Variants in THSD7A observed in about 807,000 individuals in gnomAD.
THSD7A encodes the protein thrombospondin type-1 domain-containing protein 7A.
In THSD7A, 96 loss-of-function variants were observed where a neutral mutation model predicts 231.3. The ratio of observed to expected loss-of-function variants is 0.41; its 90% CI spans 0.35 to 0.49. The LOEUF (loss-of-function observed/expected upper bound fraction) is 0.49. Among genes scored for constraint, THSD7A ranks in the 20% least tolerant of loss-of-function variants. The pLI, the probability that THSD7A is intolerant of heterozygous loss-of-function variation, is 0.05. For synonymous variants in THSD7A, 940 were observed against 743.3 expected, an observed-to-expected ratio of 1.26 and a Z score of -4.30; for missense variants, 2,290 against 2,070.2, an observed-to-expected ratio of 1.11 and a Z score of -2.06.
At chr7:11,615,607 A>C (rs774810980) in intron 2 of THSD7A, among the ~76,000 whole-genome samples, 2 of 152,166 alleles carry the variant, frequency 1.3e-5, no homozygotes, top group African/African-American at 2.4e-5. Context: ...TCTACACTAT[A>C]TATTTGGATA....
chr7:11,733,800 C>T (rs1169658415), intron 1 of THSD7A, among the ~76,000 whole-genome samples: 1 of 151,902 alleles, frequency 6.6e-6, no homozygotes. Flanking sequence ...CATAGTAACA[C>T]TGCTCATGAT....
At chr7:11,404,522 G>C (rs1393050798) in intron 22 of THSD7A, among the ~76,000 whole-genome samples, 1 of 152,216 alleles carries the variant, frequency 6.6e-6, no homozygotes, top group Non-Finnish European at 1.5e-5. Flanking sequence ...AAGGTCCAAA[G>C]GTTCAGTCCT....
intron 1 of THSD7A, among the ~76,000 whole-genome samples, chr7:11,731,237 T>C (rs1372026286): frequency 1.3e-5 from 2 of 151,594 alleles, no homozygotes; most frequent in Admixed American, 6.6e-5. Context: ...ATTATTTTAC[T>C]CTTTATTTTC....
At chr7:11,629,361 C>G (rs913472696) in intron 2 of THSD7A, among the ~76,000 whole-genome samples, 1 of 152,144 alleles carries the variant, frequency 6.6e-6, no homozygotes, top group Non-Finnish European at 1.5e-5. Context: ...GGCATACTGA[C>G]TCTGTTTAGT....
chr7:11,413,448 C>T (rs1783855769), intron 17 of THSD7A, among the ~76,000 whole-genome samples: 1 of 152,000 alleles, frequency 6.6e-6, no homozygotes, highest in East Asian at 1.9e-4. Context: ...AAAACTCACT[C>T]TGCACCTGAT....
At chr7:11,561,565 C>T (rs1235616730) in intron 4 of THSD7A, among the ~76,000 whole-genome samples, 1 of 152,046 alleles carries the variant, frequency 6.6e-6, no homozygotes, top group African/African-American at 2.4e-5. Context: ...AACTGTAATC[C>T]ACATTTAAGA....
intron 1 of THSD7A, among the ~76,000 whole-genome samples, chr7:11,678,866 G>C (rs577174594): frequency 3.9e-5 from 6 of 152,246 alleles, no homozygotes; most frequent in Non-Finnish European, 8.8e-5. Context: ...GCATCATCCT[G>C]ATACCAAAAC....
chr7:11,822,091 T>G (rs2128187357), intron 1 of THSD7A, among the ~76,000 whole-genome samples: 1 of 152,260 alleles, frequency 6.6e-6, no homozygotes, highest in South Asian at 2.1e-4. Flanking sequence ...CGCAATTTTG[T>G]TACATGCATA....
At chr7:11,664,013 G>A (rs994669201) in intron 1 of THSD7A, among the ~76,000 whole-genome samples, 10 of 149,210 alleles carry the variant, frequency 6.7e-5, no homozygotes, top group African/African-American at 2.4e-4. Context: ...AGTGAAAATA[G>A]AAGTGCTCCA....
At chr7:11,429,418 G>A (rs938939533) in intron 13 of THSD7A, among the ~76,000 whole-genome samples, 2 of 152,118 alleles carry the variant, frequency 1.3e-5, no homozygotes, top group Admixed American at 6.5e-5. Flanking sequence ...ACAATAACCT[G>A]TCTGCTGCCA....
At chr7:11,434,035 C>T (rs1266226108) in intron 13 of THSD7A, among the ~76,000 whole-genome samples, 1 of 151,986 alleles carries the variant, frequency 6.6e-6, no homozygotes, top group Non-Finnish European at 1.5e-5. Flanking sequence ...AATTGCCTGT[C>T]ATGTTTATCT....
At chr7:11,764,173 T>C (rs1782954092) in intron 1 of THSD7A, among the ~76,000 whole-genome samples, 1 of 152,076 alleles carries the variant, frequency 6.6e-6, no homozygotes. Flanking sequence ...CACACTAAGG[T>C]AGAAAGAGTA....
chr7:11,567,620 G>T (rs1010912811), intron 4 of THSD7A, among the ~76,000 whole-genome samples: 2 of 152,146 alleles, frequency 1.3e-5, no homozygotes, highest in African/African-American at 4.8e-5. Context: ...CCGATAGCTG[G>T]ATTTCTCACC....
chr7:11,747,772 T>C (rs1782359629), intron 1 of THSD7A, among the ~76,000 whole-genome samples: 2 of 151,848 alleles, frequency 1.3e-5, no homozygotes, highest in African/African-American at 2.4e-5. Flanking sequence ...TGGAAGGCCA[T>C]GGATAAAGTC....
chr7:11,717,295 T>A (rs1781173572), intron 1 of THSD7A, among the ~76,000 whole-genome samples: 1 of 151,742 alleles, frequency 6.6e-6, no homozygotes, highest in Non-Finnish European at 1.5e-5. Context: ...CCACATGCAC[T>A]GGGATTCTCC....
chr7:11,460,191 G>A (rs1785452924), intron 11 of THSD7A, among the ~76,000 whole-genome samples: 3 of 152,088 alleles, frequency 2.0e-5, no homozygotes, highest in African/African-American at 7.2e-5. Flanking sequence ...ATTGTGGATA[G>A]CCATGAAAAT....
chr7:11,730,303 T>G (rs942449477), intron 1 of THSD7A, among the ~76,000 whole-genome samples: 1 of 151,664 alleles, frequency 6.6e-6, no homozygotes. Flanking sequence ...AATATTCTTG[T>G]AATTTACATT....
chr7:11,804,022 T>C (rs1221157070), intron 1 of THSD7A, among the ~76,000 whole-genome samples: 1 of 152,164 alleles, frequency 6.6e-6, no homozygotes, highest in African/African-American at 2.4e-5. Context: ...AATTATGTTG[T>C]CCAGGAGGCA....
At chr7:11,680,014 C>T (rs139090436) in intron 1 of THSD7A, among the ~76,000 whole-genome samples, 12 of 151,344 alleles carry the variant, frequency 7.9e-5, no homozygotes, top group Non-Finnish European at 1.2e-4. Context: ...ACCAATGGAA[C>T]GTAACAGAGG....
Sources: gnomAD v4.1 joint callset for allele counts (sites outside exome capture counted in the v4.1 genomes callset) on GRCh38, gnomAD v4.1.1 for gene constraint, MANE v1.5 for transcripts, NCBI Gene and HGNC (gene_info 2026-07-23, HGNC 2026-07-21) for gene names.